The following CFAP54 variants were observed in gnomAD, a reference collection of about 807,000 sequenced individuals.
CFAP54 encodes cilia and flagella associated protein 54.
Under a neutral mutation model 370.4 loss-of-function variants are expected in CFAP54, and 290 were observed. The ratio of observed to expected loss-of-function variants is 0.78; its 90% CI spans 0.71 to 0.86. The LOEUF (loss-of-function observed/expected upper bound fraction) is 0.86, where lower values mean the gene tolerates loss of function less well. Among genes scored for constraint, CFAP54 ranks in the 40% least tolerant of loss-of-function variants. The pLI is 0.00. For synonymous variants in CFAP54, 1,206 were observed against 1,236.5 expected, an observed-to-expected ratio of 0.98 and a Z score of 0.52; for missense variants, 3,399 against 3,528.7, an observed-to-expected ratio of 0.96 and a Z score of 0.93.
intron 60 of CFAP54, among the ~76,000 whole-genome samples, chr12:96,783,056 G>C (rs1958595610): frequency 6.6e-6 from 1 of 151,992 alleles, no homozygotes; most frequent in African/African-American, 2.4e-5. Context: ...ATGTTTAAAG[G>C]AAAAAGAAAA....
intron 62 of CFAP54, among the ~76,000 whole-genome samples, chr12:96,787,409 A>T (rs923585750): frequency 6.6e-6 from 1 of 152,220 alleles, no homozygotes; most frequent in Non-Finnish European, 1.5e-5. Context: ...ATTAAATTGG[A>T]TACATTTTCC....
At chr12:96,669,914 G>A (rs555699137) in intron 39 of CFAP54, among the ~76,000 whole-genome samples, 4 of 152,248 alleles carry the variant, frequency 2.6e-5, no homozygotes, top group South Asian at 2.1e-4. Context: ...TGAGGATGGC[G>A]TCCTGGATAG....
At chr12:96,833,634 G>A (rs1181758447) in intron 66 of CFAP54, among the ~76,000 whole-genome samples, 1 of 151,788 alleles carries the variant, frequency 6.6e-6, no homozygotes, top group East Asian at 1.9e-4. Context: ...TGTTATCCTA[G>A]GTCAAGATAT....
chr12:96,695,587 A>G (rs1017004314), intron 45 of CFAP54, among the ~76,000 whole-genome samples: 8 of 152,200 alleles, frequency 5.3e-5, no homozygotes, highest in Non-Finnish European at 1.0e-4. Flanking sequence ...TACAAAAGAT[A>G]ATGTTCTCTT....
intron 17 of CFAP54, among the ~76,000 whole-genome samples, chr12:96,559,642 C>A (rs1356567055): frequency 1.3e-5 from 2 of 152,052 alleles, no homozygotes; most frequent in Admixed American, 6.5e-5. Context: ...CCTATTATAT[C>A]AATATCATAT....
intron 33 of CFAP54, among the ~76,000 whole-genome samples, chr12:96,644,790 C>T (rs1375356177): frequency 6.6e-6 from 1 of 152,096 alleles, no homozygotes; most frequent in African/African-American, 2.4e-5. Context: ...AAAACTGCCC[C>T]CATGATTCAG....
chr12:96,697,232 A>T (rs1957446874), intron 45 of CFAP54, among the ~76,000 whole-genome samples: 1 of 152,192 alleles, frequency 6.6e-6, no homozygotes, highest in African/African-American at 2.4e-5. Context: ...TCAAATGGTC[A>T]GATTGGTATG....
At chr12:96,581,450 C>CA (rs908550232) in intron 22 of CFAP54, among the ~76,000 whole-genome samples, 57 of 152,166 alleles carry the variant, frequency 3.7e-4, no homozygotes, top group Admixed American at 2.6e-3. Flanking sequence ...GCAATTTTGT[C>CA]AATGTCTAGA....
intron 2 of CFAP54, 181 bp downstream of exon 2, chr12:96,501,120 T>C: frequency 2.1e-6 from 1 of 475,822 alleles, no homozygotes; most frequent in South Asian, 2.7e-5. Context: ...TTTAATTTTG[T>C]AGTTGAGATT....
chr12:96,500,829 T>TA lies in CFAP54; in HGVS notation c.318-4dup, dbSNP rs1189824182. On this transcript the variant is annotated splice_region_variant and splice_polypyrimidine_tract_variant and intron_variant, in intron 1 of 67. Transcript: ENST00000524981. ...CAATGTCGTTTTATTTTATGATTTT[T>TA]ACAGTGCCACTTCTTTGTTTAATAT... The TA allele has an allele frequency of 1.8e-5, 27 of 1,518,562 alleles. No individual in the cohort carries two copies. In the East Asian group the frequency reaches 6.4e-4, roughly 36 times the overall value. 94.1% of individuals were successfully genotyped at this position (1,518,562 alleles called of 1,614,324 possible). A position where few individuals can be genotyped will look rare whatever the true frequency, so the allele number is the denominator to read the frequency against.
At chr12:96,808,124 G>A (rs1268712655) in intron 63 of CFAP54, among the ~76,000 whole-genome samples, 6 of 151,890 alleles carry the variant, frequency 4.0e-5, no homozygotes, top group Non-Finnish European at 8.8e-5. Flanking sequence ...TGAAAGTTTG[G>A]GAATAATCTC....
intron 66 of CFAP54, among the ~76,000 whole-genome samples, chr12:96,849,688 T>C (rs1325283250): frequency 6.6e-6 from 1 of 152,194 alleles, no homozygotes. Context: ...TGTAATGGCT[T>C]TCAAAACTTT....
At chr12:96,654,407 A>T (rs1044142038) in intron 36 of CFAP54, among the ~76,000 whole-genome samples, 1 of 151,140 alleles carries the variant, frequency 6.6e-6, no homozygotes, top group Non-Finnish European at 1.5e-5. Context: ...AGGCTGAGGC[A>T]GGAGAATGGC....
At chr12:96,827,707 T>TATATAATTATATATAATTCTATTTA (rs1959133432) in intron 65 of CFAP54, among the ~76,000 whole-genome samples, 1 of 90,248 alleles carries the variant, frequency 1.1e-5, no homozygotes, top group African/African-American at 4.4e-5. Context: ...TATTATATTA[T>TATATAATTATATATAATTCTATTTA]ATATAATTAT....
chr12:96,694,751 T>C (rs1018038533), intron 45 of CFAP54, among the ~76,000 whole-genome samples: 2 of 150,880 alleles, frequency 1.3e-5, no homozygotes, highest in African/African-American at 4.9e-5. Flanking sequence ...AGGCCAGGCA[T>C]GATGTCTCAC....
intron 25 of CFAP54, among the ~76,000 whole-genome samples, chr12:96,598,346 A>G (rs1206108453): frequency 6.6e-6 from 1 of 152,056 alleles, no homozygotes; most frequent in Non-Finnish European, 1.5e-5. Context: ...TACATGTCAC[A>G]TTCTGACTAT....
At chr12:96,613,062 A>G (rs905254441) in intron 26 of CFAP54, among the ~76,000 whole-genome samples, 2 of 152,234 alleles carry the variant, frequency 1.3e-5, no homozygotes, top group Admixed American at 6.5e-5. Flanking sequence ...AATCAACAGA[A>G]TATACATTAT....
chr12:96,641,602 C>A (rs1390441701), intron 32 of CFAP54, among the ~76,000 whole-genome samples: 1 of 152,122 alleles, frequency 6.6e-6, no homozygotes, highest in Non-Finnish European at 1.5e-5. Flanking sequence ...GATTATAAAT[C>A]ATGCTGCTGT....
rs909018918 is a variant in CFAP54 at position 96,525,974 on chromosome 12, G to A, written c.1159-1272G>A. The stretch of plus-strand genomic sequence containing the variant: ...GCTGGGATTACAGGCGTGAGCCGCC[G>A]CACCCAGCCCCTTGTTGAAATTTTT... On this transcript the variant is annotated intron_variant, in intron 8 of 67. Coordinates refer to ENST00000524981, the MANE Select transcript of CFAP54 (RefSeq NM_001306084.2). Among the ~76,000 whole-genome samples, 12 of 152,290 alleles carry A rather than the reference G, an allele frequency of 7.9e-5. No individual in the cohort carries two copies. In the East Asian group the frequency reaches 1.4e-3, roughly 17 times the overall value.
Sources: allele counts gnomAD v4.1 joint callset (sites outside exome capture counted in the v4.1 genomes callset), GRCh38; gene constraint gnomAD v4.1.1; transcripts MANE v1.5; gene names NCBI Gene and HGNC (gene_info 2026-07-23, HGNC 2026-07-21).